Variants in SLC22A25 observed in about 807,000 individuals in gnomAD.
The protein encoded by SLC22A25 is MGI:2442751, MGI:2385316, MGI:3042283, MGI:3645714, MGI:3605624, MGI:2442750.
Under a neutral mutation model 45.9 loss-of-function variants are expected in SLC22A25, and 44 were observed. The ratio of observed to expected loss-of-function variants is 0.96; its 90% CI spans 0.75 to 1.23. The LOEUF is 1.23. Ranked by LOEUF, SLC22A25 falls within the 50% of genes most tolerant of loss-of-function variation. SLC22A25 has a pLI of 0.00. For missense variants in SLC22A25, 800 were observed against 666.4 expected (o/e 1.20, Z -2.21); for synonymous variants, 283 against 238.6 (o/e 1.19, Z -1.72).
At chr11:63,197,304 C>T (rs1005920534) in intron 7 of SLC22A25, among the ~76,000 whole-genome samples, 1 of 152,132 alleles carries the variant, frequency 6.6e-6, no homozygotes, top group Non-Finnish European at 1.5e-5. Context: ...CCAAGACAAT[C>T]CTAAGCCAAA....
rs779953377 is a variant in SLC22A25, at chr11:63,217,684, T to C, written c.558A>G (p.Val186=). 3.7e-5 allele frequency: 59 copies of C among 1,613,730 alleles called. No homozygotes were observed. Among genetic ancestry groups the C allele is most frequent in the Non-Finnish European group, 4.7e-5 (56 of 1,179,962 alleles). The change falls in exon 6 of 12, where the codon GTA becomes GTG. Residue 186 remains valine (V), a synonymous_variant. Transcript: ENST00000306494. ...LRWSYLQLAI[V]GTCAAFAPTI... ...TGGGAGCAAAGGCCGCACAGGTGCC[T>C]ACAATGGCGAGCTGGAGGTAAGACC...
intron 7 of SLC22A25, among the ~76,000 whole-genome samples, chr11:63,209,598 A>G (rs1344074865): frequency 6.6e-6 from 1 of 152,162 alleles, no homozygotes; most frequent in African/African-American, 2.4e-5. Context: ...GGCTTTGCAG[A>G]TGCCACTTTG....
chr11:63,224,621 A>G lies in SLC22A25; in HGVS notation c.506+3840T>C, dbSNP rs112629819. On this transcript the variant is annotated intron_variant, in intron 5 of 11. Transcript: ENST00000306494. ...ATTGTATGTTTTTAGATTTGAGGTTACCATGAGGCCTACAATTAATATCTT... is the reference window on the plus strand; with the variant it reads ...ATTGTATGTTTTTAGATTTGAGGTTGCCATGAGGCCTACAATTAATATCTT... Among the ~76,000 whole-genome samples, 1,014 of 152,246 alleles carry G rather than the reference A, an allele frequency of 6.7e-3. 4 individuals carry two copies. The highest frequency in any genetic ancestry group is 0.011 in the African/African-American group (465 of 41,546).
chr11:63,161,524 C>A lies in SLC22A25; in HGVS notation c.*2300G>T, dbSNP rs1428895623. 6.6e-6 allele frequency among the ~76,000 whole-genome samples: 1 copy of A among 152,150 alleles called. No individual in the cohort carries two copies. Among genetic ancestry groups the A allele is most frequent in the Non-Finnish European group, 1.5e-5 (1 of 68,014 alleles). ...GGGATCCAGTGGGAGGTAACTGAAT[C>A]ATGGGGGTGAGTGTTTCCCATGCTC... On this transcript the variant is annotated 3_prime_UTR_variant, in exon 12 of 12. Coordinates refer to ENST00000306494, the MANE Select transcript of SLC22A25 (RefSeq NM_199352.6).
At chr11:63,232,347 A>C (rs891637678) in intron 3 of SLC22A25, among the ~76,000 whole-genome samples, 8 of 152,120 alleles carry the variant, frequency 5.3e-5, no homozygotes, top group Admixed American at 5.2e-4. Flanking sequence ...GAGGTCCTTC[A>C]CATCCCTTTT....
intron 9 of SLC22A25, among the ~76,000 whole-genome samples, chr11:63,177,864 A>AGTAT (rs373414293): frequency 3.2e-5 from 1 of 31,080 alleles, no homozygotes; most frequent in Non-Finnish European, 7.3e-5. Context: ...GTATATATAT[A>AGTAT]ATATATATAA....
In SLC22A25 at chr11:63,166,117, G is replaced by A; in HGVS notation, c.1212C>T (p.Ser404=). The change falls in exon 10 of 12, where the codon AGC becomes AGT. Residue 404 remains serine (S), a synonymous_variant. Transcript: ENST00000306494. ...CVAPWALNHM[S]RRLSQMLLMF... ...TGAGAAGCATCTGGCTTAGTCGACG[G>A]CTCATGTGATTCAGTGCCCAAGGTG... 2 of 1,614,012 alleles carry A rather than the reference G, an allele frequency of 1.2e-6. No homozygotes were observed. The highest frequency in any genetic ancestry group is 1.7e-6 in the Non-Finnish European group (2 of 1,179,952).
intron 1 of SLC22A25, 183 bp downstream of exon 1, chr11:63,243,251 A>G: frequency 2.7e-6 from 1 of 370,252 alleles, no homozygotes; most frequent in Non-Finnish European, 5.2e-6. Flanking sequence ...CCGTACATGC[A>G]CAGGATGGTG....
At chr11:63,178,557 G>A (rs74886520) in intron 9 of SLC22A25, among the ~76,000 whole-genome samples, 2,749 of 151,394 alleles carry the variant, frequency 0.018, 72 homozygotes, top group African/African-American at 0.051. Context: ...ATTTTTTCTG[G>A]TGATTAACTG....
chr11:63,204,632 C>A (rs975306618), intron 7 of SLC22A25, among the ~76,000 whole-genome samples: 4 of 152,012 alleles, frequency 2.6e-5, no homozygotes, highest in Non-Finnish European at 5.9e-5. Flanking sequence ...ATAAATGCAC[C>A]CAATACAGGA....
chr11:63,162,517 T>C lies in SLC22A25; in HGVS notation c.*1307A>G, dbSNP rs138079415. ...TTTGGAACTATTTTTTATGTTCTTA[T>C]AAAAGTATGCAGCTTGAAAATGAGG... On this transcript the variant is annotated 3_prime_UTR_variant, in exon 12 of 12. Transcript: ENST00000306494. Among the ~76,000 whole-genome samples the C allele has an allele frequency of 6.6e-6, 1 of 152,314 alleles. No homozygotes were observed. Among genetic ancestry groups the C allele is most frequent in the East Asian group, 1.9e-4 (1 of 5,192 alleles).
chr11:63,188,841 T>C (rs1161969499), intron 7 of SLC22A25, among the ~76,000 whole-genome samples: 1 of 152,226 alleles, frequency 6.6e-6, no homozygotes, highest in Non-Finnish European at 1.5e-5. Flanking sequence ...TCAGTTTCCA[T>C]GTAGTTGAGT....
intron 7 of SLC22A25, among the ~76,000 whole-genome samples, chr11:63,187,747 A>G (rs971192889): frequency 1.3e-5 from 2 of 152,222 alleles, no homozygotes; most frequent in Non-Finnish European, 2.9e-5. Context: ...GAGAATTTTT[A>G]GGATGAAGAA....
In SLC22A25 at chr11:63,162,367, C is replaced by T. The variant is rs2087548467; in HGVS notation, c.*1457G>A. ...AGTCTAATGTACTGGAAAATTTCTC[C>T]AATGTTTTCTTGTAGCAGTTTCATA... On this transcript the variant is annotated 3_prime_UTR_variant, in exon 12 of 12. Transcript: ENST00000306494. 6.6e-6 allele frequency among the ~76,000 whole-genome samples: 1 copy of T among 152,066 alleles called. No individual in the cohort carries two copies. Among genetic ancestry groups the T allele is most frequent in the Non-Finnish European group, 1.5e-5 (1 of 68,010 alleles).
At chr11:63,205,734 A>G in intron 7 of SLC22A25, among the ~76,000 whole-genome samples, 2 of 152,188 alleles carry the variant, frequency 1.3e-5, no homozygotes, top group East Asian at 3.8e-4. Context: ...TACAAAGAGA[A>G]GTTGGTACCC....
chr11:63,170,060 T>A (rs764743493), intron 9 of SLC22A25, among the ~76,000 whole-genome samples: 53 of 152,166 alleles, frequency 3.5e-4, no homozygotes, highest in Non-Finnish European at 6.6e-4. Flanking sequence ...TGCTCCTGAA[T>A]GACTACTGGG....
chr11:63,198,792 C>G (rs1449386382), intron 7 of SLC22A25, among the ~76,000 whole-genome samples: 1 of 152,072 alleles, frequency 6.6e-6, no homozygotes, highest in African/African-American at 2.4e-5. Flanking sequence ...CAATAACCTG[C>G]TCCTGAATGA....
At chr11:63,183,902 T>G in intron 7 of SLC22A25, 85 bp from the exon 8 acceptor site, 1 of 1,564,510 alleles carries the variant, frequency 6.4e-7, no homozygotes, top group Non-Finnish European at 8.7e-7. Context: ...GCCTTTCCCC[T>G]CTAAGCTAAT....
chr11:63,186,783 A>G (rs1453418118), intron 7 of SLC22A25, among the ~76,000 whole-genome samples: 5 of 151,546 alleles, frequency 3.3e-5, no homozygotes, highest in Admixed American at 6.6e-5. Flanking sequence ...TTTTCCCAGC[A>G]CCATTTATTA....
Sources: gnomAD v4.1 joint callset for allele counts (sites outside exome capture counted in the v4.1 genomes callset) on GRCh38, gnomAD v4.1.1 for gene constraint, MANE v1.5 for transcripts, NCBI Gene and HGNC (gene_info 2026-07-23, HGNC 2026-07-21) for gene names.